TAFA5: variants seen among roughly 807,000 people sequenced by gnomAD.
TAFA5 encodes TAFA chemokine like family member 5.
TAFA5 carries 6 observed loss-of-function variants against 15.3 expected under a neutral mutation model. The ratio of observed to expected loss-of-function variants is 0.39; its 90% CI spans 0.21 to 0.77. The LOEUF (loss-of-function observed/expected upper bound fraction) is 0.77, where lower values mean the gene tolerates loss of function less well. Among genes scored for constraint, TAFA5 ranks in the 30% least tolerant of loss-of-function variants. The probability of loss-of-function intolerance (pLI) is 0.41; values close to 1 mark genes in which losing one functional copy is unlikely to be tolerated. For synonymous variants in TAFA5, 103 were observed against 80.7 expected, an observed-to-expected ratio of 1.28 and a Z score of -1.48; for missense variants, 161 against 193.1, an observed-to-expected ratio of 0.83 and a Z score of 0.98.
intron 1 of TAFA5, among the ~76,000 whole-genome samples, chr22:48,547,857 AG>A (rs1333300376): frequency 6.6e-6 from 1 of 152,182 alleles, no homozygotes; most frequent in Non-Finnish European, 1.5e-5. Context: ...CACGTGGAGA[AG>A]GTTGGAAATG....
chr22:48,530,003 G>A lies in TAFA5; in HGVS notation c.112+40299G>A, dbSNP rs920867213. Among the ~76,000 whole-genome samples, 2 of 152,092 alleles carry A rather than the reference G, an allele frequency of 1.3e-5. No homozygotes were observed. The highest frequency in any genetic ancestry group is 2.9e-5 in the Non-Finnish European group (2 of 67,998). ...TAAGCTCATGGATGCAGGGGCTGTG[G>A]GCCCTCTGGACACCCCCTGAGGACT... On this transcript the variant is annotated intron_variant, in intron 1 of 3. Coordinates refer to ENST00000402357, the MANE Select transcript of TAFA5 (RefSeq NM_001082967.3). This position sits in a 1 kb window ranked among gnomAD's most constrained non-coding sequence, Gnocchi z 6.0.
chr22:48,621,044 C>CTA (rs1925811557), intron 1 of TAFA5, among the ~76,000 whole-genome samples: 1 of 121,482 alleles, frequency 8.2e-6, no homozygotes, highest in Non-Finnish European at 1.7e-5. Context: ...ACCCTCCCAC[C>CTA]CATCCACCCA....
intron 2 of TAFA5, 77 bp downstream of exon 2, chr22:48,646,823 C>CCCTTACCTGA: frequency 1.4e-6 from 2 of 1,480,090 alleles, no homozygotes; most frequent in Non-Finnish European, 1.8e-6. Flanking sequence ...CTGACGCGGC[C>CCCTTACCTGA]CCTTACCTGA....
chr22:48,505,956 C>T (rs971475405), intron 1 of TAFA5, among the ~76,000 whole-genome samples: 6 of 152,340 alleles, frequency 3.9e-5, no homozygotes, highest in African/African-American at 1.4e-4. Flanking sequence ...CAGAGACACT[C>T]TAATGGGACA....
intron 1 of TAFA5, among the ~76,000 whole-genome samples, chr22:48,569,574 C>T (rs1044401718): frequency 5.3e-5 from 8 of 152,162 alleles, no homozygotes; most frequent in African/African-American, 1.7e-4. Context: ...GCAACCTCAG[C>T]GCTCCCGACC....
chr22:48,681,922 T>C (rs1214749774), intron 2 of TAFA5, among the ~76,000 whole-genome samples: 3 of 119,158 alleles, frequency 2.5e-5, no homozygotes, highest in East Asian at 4.1e-4. Context: ...ATCCGTCCAC[T>C]GTCCTAGGAG....
chr22:48,536,174 C>A (rs937591641), intron 1 of TAFA5, among the ~76,000 whole-genome samples: 4 of 152,214 alleles, frequency 2.6e-5, no homozygotes, highest in Admixed American at 1.3e-4. Flanking sequence ...TGTCTTCATG[C>A]GTCCCCCATG....
At chr22:48,534,843 A>C (rs1922098020) in intron 1 of TAFA5, among the ~76,000 whole-genome samples, 1 of 152,018 alleles carries the variant, frequency 6.6e-6, no homozygotes, top group Admixed American at 6.5e-5. Context: ...AGCTGCGCTC[A>C]GCGACTGTGG....
intron 2 of TAFA5, among the ~76,000 whole-genome samples, chr22:48,693,827 A>G (rs979289187): frequency 1.3e-5 from 2 of 152,124 alleles, no homozygotes; most frequent in African/African-American, 4.8e-5. Context: ...GTGGTCAGCC[A>G]TGGCCACCTA....
chr22:48,621,339 C>T (rs549557922), intron 1 of TAFA5, among the ~76,000 whole-genome samples: 5 of 151,394 alleles, frequency 3.3e-5, no homozygotes, highest in African/African-American at 1.2e-4. Flanking sequence ...TCATCCATCC[C>T]TGCTTCCATC....
chr22:48,633,519 TGTCTGTCTGTCTGTCTCTCC>T (rs1447859972), intron 1 of TAFA5, among the ~76,000 whole-genome samples: 56 of 59,092 alleles, frequency 9.5e-4, no homozygotes, highest in Admixed American at 3.4e-3. Context: ...TCTGTCTGTC[TGTCTGTCTGTCTGTCTCTCC>T]CTCTCTCTCT....
intron 1 of TAFA5, among the ~76,000 whole-genome samples, chr22:48,641,349 A>G (rs1926668938): frequency 6.6e-6 from 1 of 152,256 alleles, no homozygotes; most frequent in African/African-American, 2.4e-5. Flanking sequence ...CAGAAAGTCA[A>G]ATTTGGGGAT....
intron 1 of TAFA5, among the ~76,000 whole-genome samples, chr22:48,564,249 G>A (rs564159342): frequency 9.8e-5 from 15 of 152,360 alleles, no homozygotes; most frequent in South Asian, 2.1e-4. Flanking sequence ...AGCTTGTGGC[G>A]GAACAGGGAC....
chr22:48,640,834 C>CT (rs1926646663), intron 1 of TAFA5, among the ~76,000 whole-genome samples: 1 of 151,648 alleles, frequency 6.6e-6, no homozygotes, highest in Non-Finnish European at 1.5e-5. Flanking sequence ...CCCTATGGGA[C>CT]AACTTCTGTC....
At chr22:48,682,904 G>A (rs1258391510) in intron 2 of TAFA5, among the ~76,000 whole-genome samples, 3 of 152,122 alleles carry the variant, frequency 2.0e-5, no homozygotes, top group African/African-American at 7.2e-5. Context: ...CTTGACACGC[G>A]TGGAGTCCCC....
chr22:48,582,864 A>T (rs1392539982), intron 1 of TAFA5, among the ~76,000 whole-genome samples: 5 of 149,188 alleles, frequency 3.4e-5, no homozygotes, highest in Non-Finnish European at 7.4e-5. Flanking sequence ...CACACACCAC[A>T]CGCAAAATAC....
intron 1 of TAFA5, among the ~76,000 whole-genome samples, chr22:48,622,086 C>G (rs1925858338): frequency 2.0e-5 from 3 of 152,166 alleles, no homozygotes; most frequent in Admixed American, 2.0e-4. Context: ...ACACACCTTC[C>G]CTTCTCCTGC....
At chr22:48,686,426 C>G (rs182850255) in intron 2 of TAFA5, among the ~76,000 whole-genome samples, 1 of 152,354 alleles carries the variant, frequency 6.6e-6, no homozygotes, top group East Asian at 1.9e-4. Context: ...GGGCCTCTCT[C>G]AGGTCCTTTT....
intron 1 of TAFA5, among the ~76,000 whole-genome samples, chr22:48,584,124 A>G (rs1167603163): frequency 2.1e-5 from 3 of 141,812 alleles, no homozygotes; most frequent in Non-Finnish European, 4.6e-5. Flanking sequence ...ACACACACCA[A>G]TCACATGCAC....
Sources: gnomAD v4.1 joint callset for allele counts (sites outside exome capture counted in the v4.1 genomes callset) on GRCh38, gnomAD v4.1.1 for gene constraint, Gnocchi (gnomAD v3.1) non-coding constraint, MANE v1.5 for transcripts, NCBI Gene and HGNC (gene_info 2026-07-23, HGNC 2026-07-21) for gene names.